The following BMPR1A variants were observed in gnomAD, a reference collection of about 807,000 sequenced individuals.
BMPR1A encodes bone morphogenetic protein receptor type 1A.
In BMPR1A, 7 loss-of-function variants were observed where a neutral mutation model predicts 66.0. That is an observed-to-expected ratio of 0.11 (90% CI 0.06 to 0.20). The LOEUF is 0.20. Ranked by LOEUF, BMPR1A falls within the 10% of genes least tolerant of loss-of-function variation. The pLI, the probability that BMPR1A is intolerant of heterozygous loss-of-function variation, is 1.00. For synonymous variants in BMPR1A, 200 were observed against 229.7 expected (o/e 0.87, Z 1.17); for missense variants, 408 against 669.1 (o/e 0.61, Z 4.31).
chr10:86,793,602 G>T (rs759416517), intron 1 of BMPR1A, among the ~76,000 whole-genome samples: 43 of 151,894 alleles, frequency 2.8e-4, no homozygotes, highest in Non-Finnish European at 4.3e-4. Flanking sequence ...TGCCTGCCTC[G>T]GCCTCCCAAA....
rs1238548557 is a variant in BMPR1A, at chr10:86,857,765, AAAC to A, written c.-152-18099_-152-18097del. On this transcript the variant is annotated intron_variant, in intron 2 of 12. Transcript: ENST00000372037. ...ATCTAGTGATCCAAAAAAAAAAAAA[AAAC>A]AAGGAGAAAGCTGCAGTGCCTTTTA... 3.9e-5 allele frequency among the ~76,000 whole-genome samples: 6 copies of A among 151,912 alleles called. No individual in the cohort carries two copies. In the South Asian group the frequency reaches 6.2e-4, roughly 16 times the overall value.
downstream of BMPR1A, chr10:86,931,298 C>CACACAT: frequency 1.1e-5 from 1 of 90,928 alleles, no homozygotes; most frequent in Non-Finnish European, 1.9e-5. Flanking sequence ...CACACACACA[C>CACACAT]ATATATATAT....
At chr10:86,872,303 G>C (rs1005436712) in intron 2 of BMPR1A, among the ~76,000 whole-genome samples, 5 of 152,110 alleles carry the variant, frequency 3.3e-5, no homozygotes, top group African/African-American at 7.2e-5. Context: ...TATGTACCAG[G>C]CTCTCCTAAA....
intron 1 of BMPR1A, among the ~76,000 whole-genome samples, chr10:86,816,918 A>G (rs1014377346): frequency 1.3e-5 from 2 of 152,200 alleles, no homozygotes; most frequent in Non-Finnish European, 2.9e-5. Flanking sequence ...GGGAAAGATA[A>G]TAATAATATG....
downstream of BMPR1A, chr10:86,929,310 T>C (rs1843786311): frequency 6.6e-6 from 1 of 152,148 alleles, no homozygotes; most frequent in African/African-American, 2.4e-5. Flanking sequence ...TTCATGAGCT[T>C]AGAGCGATGG....
chr10:86,880,889 G>A (rs978982920), intron 3 of BMPR1A, among the ~76,000 whole-genome samples: 7 of 150,460 alleles, frequency 4.7e-5, no homozygotes, highest in Non-Finnish European at 1.0e-4. Context: ...CCACGTGTTT[G>A]TAATAACACT....
At chr10:86,822,058 G>C (rs531266524) in intron 1 of BMPR1A, among the ~76,000 whole-genome samples, 1 of 152,142 alleles carries the variant, frequency 6.6e-6, no homozygotes, top group East Asian at 1.9e-4. Context: ...GAACTCGTGG[G>C]CTCAAGCGAT....
intron 5 of BMPR1A, among the ~76,000 whole-genome samples, chr10:86,897,023 G>A (rs1385577756): frequency 6.6e-6 from 1 of 152,148 alleles, no homozygotes; most frequent in Non-Finnish European, 1.5e-5. Context: ...CTCTCACCAG[G>A]CCTCGCGTTC....
At chr10:86,769,763 A>G (rs1372541187) in intron 1 of BMPR1A, among the ~76,000 whole-genome samples, 1 of 152,208 alleles carries the variant, frequency 6.6e-6, no homozygotes, top group African/African-American at 2.4e-5. Flanking sequence ...GGAGGTTAAG[A>G]ATACTAGCAG....
At chr10:86,816,846 G>C (rs1340464716) in intron 1 of BMPR1A, among the ~76,000 whole-genome samples, 1 of 152,038 alleles carries the variant, frequency 6.6e-6, no homozygotes, top group Non-Finnish European at 1.5e-5. Context: ...ACTCTTTATG[G>C]GAACAGCACC....
chr10:86,906,858 GT>G (rs1297037724), intron 7 of BMPR1A, among the ~76,000 whole-genome samples: 2 of 149,586 alleles, frequency 1.3e-5, no homozygotes, highest in Non-Finnish European at 3.0e-5. Flanking sequence ...TAATTCTTCA[GT>G]TTTTCTCACT....
At chr10:86,812,791 C>T (rs1487578342) in intron 1 of BMPR1A, among the ~76,000 whole-genome samples, 1 of 152,144 alleles carries the variant, frequency 6.6e-6, no homozygotes. Context: ...ATTGATGAAC[C>T]TATGTTGACA....
intron 1 of BMPR1A, among the ~76,000 whole-genome samples, chr10:86,797,247 T>TTTTTTTTTTTG (rs1372738374): frequency 0.02 from 2,493 of 124,642 alleles, 149 homozygotes; most frequent in South Asian, 0.051. Context: ...TTTTTTTTTT[T>TTTTTTTTTTTG]TGAGACGGAG....
chr10:86,898,371 C>T (rs1403908929), intron 5 of BMPR1A, among the ~76,000 whole-genome samples: 2 of 152,042 alleles, frequency 1.3e-5, no homozygotes, highest in African/African-American at 2.4e-5. Context: ...CTTTAAATTA[C>T]ACCTGTCTTT....
chr10:86,875,776 G>A (rs1842913872), intron 2 of BMPR1A, 91 bp from the exon 3 acceptor site: 6 of 565,672 alleles, frequency 1.1e-5, no homozygotes, highest in South Asian at 6.5e-5. Flanking sequence ...TTGTTTAAAG[G>A]TGTGTTTGGG....
rs896914267 is a variant in BMPR1A at position 86,846,008 on chromosome 10, A to T, written c.-153+7029A>T. On this transcript the variant is annotated intron_variant, in intron 2 of 12. Transcript: ENST00000372037. ...CGAGACTCCGTCTCAAAAAAAAAAA[A>T]ATTATATATATATAGATATATGTAT... Among the ~76,000 whole-genome samples the T allele has an allele frequency of 2.0e-5, 3 of 151,644 alleles. No homozygotes were observed. The South Asian group carries it at 6.2e-4, about 31-fold the overall frequency.
In BMPR1A at chr10:86,921,821, A is replaced by G. The variant is rs934650013; in HGVS notation, c.1342+126A>G. ...ATAGTAGGTGTATATATTATTGGATAAGGAGTTATTTTGATACAGGCATGC... is the reference window on the plus strand; with the variant it reads ...ATAGTAGGTGTATATATTATTGGATGAGGAGTTATTTTGATACAGGCATGC... On this transcript the variant is annotated intron_variant, in intron 11 of 12. Transcript: ENST00000372037. 8.2e-6 allele frequency: 10 copies of G among 1,223,210 alleles called. No homozygotes were observed. In the Admixed American group the frequency reaches 2.1e-4, roughly 26 times the overall value. The allele number at this position is 1,223,210 out of a possible 1,614,324, so 75.8% of individuals were successfully genotyped here. A position where few individuals can be genotyped will look rare whatever the true frequency, so the allele number is the denominator to read the frequency against.
At chr10:86,860,358 T>C (rs926307466) in intron 2 of BMPR1A, among the ~76,000 whole-genome samples, 1 of 152,208 alleles carries the variant, frequency 6.6e-6, no homozygotes, top group African/African-American at 2.4e-5. Context: ...TTTAACAATA[T>C]GTAAGGCAAT....
At chr10:86,791,478 C>T (rs935856266) in intron 1 of BMPR1A, among the ~76,000 whole-genome samples, 2 of 152,044 alleles carry the variant, frequency 1.3e-5, no homozygotes, top group Admixed American at 1.3e-4. Flanking sequence ...TCCCAAAGTG[C>T]TGGGATTACA....
Sources: gnomAD v4.1 joint callset for allele counts (sites outside exome capture counted in the v4.1 genomes callset) on GRCh38, gnomAD v4.1.1 for gene constraint, MANE v1.5 for transcripts, NCBI Gene and HGNC (gene_info 2026-07-23, HGNC 2026-07-21) for gene names.